The following ARIH1 variants were observed in gnomAD, a reference collection of about 807,000 sequenced individuals.
ARIH1 encodes ariadne RBR E3 ubiquitin protein ligase 1, also known as E3 ubiquitin-protein ligase ARIH1.
A neutral mutation model predicts 85.0 loss-of-function variants in ARIH1; 8 were observed. The observed-to-expected ratio is 0.09, with a 90% CI of 0.06 to 0.17. The LOEUF (loss-of-function observed/expected upper bound fraction) is 0.17, where lower values mean the gene tolerates loss of function less well. Among genes scored for constraint, ARIH1 ranks in the 10% least tolerant of loss-of-function variants. The probability of loss-of-function intolerance (pLI) is 1.00; values close to 1 mark genes in which losing one functional copy is unlikely to be tolerated. For synonymous variants in ARIH1, 238 were observed against 253.6 expected (o/e 0.94, Z 0.59); for missense variants, 311 against 718.1 (o/e 0.43, Z 6.48).
intron 4 of ARIH1, among the ~76,000 whole-genome samples, 153 bp downstream of exon 4, chr15:72,555,516 T>C (rs1367857112): frequency 6.6e-6 from 1 of 152,240 alleles, no homozygotes; most frequent in Non-Finnish European, 1.5e-5. Flanking sequence ...CCTAAAGTAA[T>C]GTGGCATTCC....
At position 72,474,471 on chromosome 15, in the gene ARIH1, C is replaced by G; in HGVS notation, c.-169C>G. 1 of 888,562 alleles carries G rather than the reference C, an allele frequency of 1.1e-6. No homozygotes were observed. The highest frequency in any genetic ancestry group is 1.6e-6 in the Non-Finnish European group (1 of 616,212). The allele number at this position is 888,562 out of a possible 1,614,324, so 55.0% of individuals were successfully genotyped here. On this transcript the variant is annotated 5_prime_UTR_variant, in exon 1 of 14. Transcript: ENST00000379887. ...CTCCTCCGCGCCCTCCCCGCCGCCACCAGCCGTCAAACGCCAACCGCCGCT... is the reference window on the plus strand; with the variant it reads ...CTCCTCCGCGCCCTCCCCGCCGCCAGCAGCCGTCAAACGCCAACCGCCGCT...
At chr15:72,487,328 C>T (rs934680035) in intron 1 of ARIH1, among the ~76,000 whole-genome samples, 3 of 152,136 alleles carry the variant, frequency 2.0e-5, no homozygotes, top group African/African-American at 7.2e-5. Context: ...ACTTATAACT[C>T]AGATATTAAC....
chr15:72,535,217 C>T (rs1220655286), intron 2 of ARIH1, among the ~76,000 whole-genome samples: 1 of 152,006 alleles, frequency 6.6e-6, no homozygotes, highest in East Asian at 1.9e-4. Flanking sequence ...TCCCAAAGTG[C>T]TGGGATTACA....
In ARIH1 at chr15:72,584,356, G is replaced by A. The variant is rs2064307303; in HGVS notation, c.*1064G>A. On this transcript the variant is annotated 3_prime_UTR_variant, in exon 14 of 14. Coordinates refer to ENST00000379887, the MANE Select transcript of ARIH1 (RefSeq NM_005744.5). Reference sequence around the variant, plus strand: ...TCTACCCAAGCCTTTGTGTGCCCATGTTATGCACACAGCTGTAGGCATTCT... The same window carrying A: ...TCTACCCAAGCCTTTGTGTGCCCATATTATGCACACAGCTGTAGGCATTCT... The A allele has an allele frequency of 6.6e-6, 1 of 152,170 alleles. No individual in the cohort carries two copies. Among genetic ancestry groups the A allele is most frequent in the African/African-American group, 2.4e-5 (1 of 41,440 alleles). The allele number at this position is 152,170 out of a possible 1,614,324, so 9.4% of individuals were successfully genotyped here.
At position 72,516,103 on chromosome 15, in the gene ARIH1, G is replaced by C. The variant is rs544683934; in HGVS notation, c.376-1964G>C. 2.0e-5 allele frequency among the ~76,000 whole-genome samples: 3 copies of C among 152,222 alleles called. No individual in the cohort carries two copies. The East Asian group carries it at 5.8e-4, about 29-fold the overall frequency. ...CCAATAACAGATTTGGGAACTTGTG[G>C]CTAGAAACAATATTTGGCACTAGCA... On this transcript the variant is annotated intron_variant, in intron 1 of 13. Coordinates refer to ENST00000379887, the MANE Select transcript of ARIH1 (RefSeq NM_005744.5).
intron 1 of ARIH1, among the ~76,000 whole-genome samples, chr15:72,512,423 A>G (rs1162922877): frequency 1.3e-5 from 2 of 152,120 alleles, no homozygotes; most frequent in East Asian, 3.9e-4. Flanking sequence ...TTAATGGGCA[A>G]AGAGTTTGTA....
At chr15:72,574,519 C>T (rs1360704838) in intron 11 of ARIH1, among the ~76,000 whole-genome samples, 3 of 152,160 alleles carry the variant, frequency 2.0e-5, no homozygotes, top group Non-Finnish European at 4.4e-5. Flanking sequence ...ACCTTGACTG[C>T]CCTGCAAAAG....
intron 5 of ARIH1, among the ~76,000 whole-genome samples, chr15:72,561,238 G>T (rs947083545): frequency 6.6e-6 from 1 of 152,072 alleles, no homozygotes. Flanking sequence ...CTGGGTAAAA[G>T]TAGACTATTT....
chr15:72,580,128 A>G (rs372934320), intron 11 of ARIH1, among the ~76,000 whole-genome samples: 2 of 151,750 alleles, frequency 1.3e-5, no homozygotes, highest in African/African-American at 4.8e-5. Context: ...CCGTCATTAT[A>G]CTCTGTATGT....
intron 1 of ARIH1, among the ~76,000 whole-genome samples, chr15:72,513,700 T>TGTCC (rs1567343652): frequency 5.5e-5 from 1 of 18,300 alleles, no homozygotes. Context: ...TCCCTCCCCC[T>TGTCC]CTCCCTCCCT....
chr15:72,480,645 A>C (rs1450906543), intron 1 of ARIH1, among the ~76,000 whole-genome samples: 1 of 151,424 alleles, frequency 6.6e-6, no homozygotes, highest in East Asian at 1.9e-4. Flanking sequence ...GCTCACTGCA[A>C]CCTCTGCCTC....
rs76209449 is a variant in ARIH1, at chr15:72,514,984, CA to C, written c.376-3076del. Among the ~76,000 whole-genome samples, 195 of 151,708 alleles carry C rather than the reference CA, an allele frequency of 1.3e-3. 2 individuals carry two copies. The highest frequency in any genetic ancestry group is 4.6e-3 in the African/African-American group (189 of 41,350). On this transcript the variant is annotated intron_variant, in intron 1 of 13. Transcript: ENST00000379887. ...CCTGAATGACAGAACAAGACTCCAT[CA>C]AAAAAACAACAAAAAAGATAATTTC...
chr15:72,515,527 T>C (rs921296675), intron 1 of ARIH1, among the ~76,000 whole-genome samples: 2 of 152,164 alleles, frequency 1.3e-5, no homozygotes, highest in Non-Finnish European at 2.9e-5. Context: ...TTGAATATTG[T>C]ATTGTGAGAT....
At position 72,474,589 on chromosome 15, in the gene ARIH1, C is replaced by T; in HGVS notation, c.-51C>T. 6.7e-7 allele frequency: 1 copy of T among 1,487,958 alleles called. No homozygotes were observed. The highest frequency in any genetic ancestry group is 8.9e-7 in the Non-Finnish European group (1 of 1,122,364). 92.2% of individuals were successfully genotyped at this position (1,487,958 alleles called of 1,614,324 possible). A position where few individuals can be genotyped will look rare whatever the true frequency, so the allele number is the denominator to read the frequency against. On this transcript the variant is annotated 5_prime_UTR_variant, in exon 1 of 14. Transcript: ENST00000379887. ...GCGAGAGCCGGGGCCTCGGCGTCCC[C>T]GCCCTCTCCCCGCCTCGGCCAGCGT... is the stretch of plus-strand genomic sequence containing the variant.
chr15:72,523,937 ATC>A lies in ARIH1; in HGVS notation c.443+5805_443+5806del, dbSNP rs1454144290. ...GAAAAATACCGTGTGCTACTTTTAC[ATC>A]TTTTTTTTTTTTTTTTTTTTTTTTT... On this transcript the variant is annotated intron_variant, in intron 2 of 13. Transcript: ENST00000379887. Among the ~76,000 whole-genome samples the A allele has an allele frequency of 4.5e-5, 6 of 134,560 alleles. No homozygotes were observed. In the East Asian group the frequency reaches 9.3e-4, roughly 21 times the overall value. 88.3% of individuals were successfully genotyped at this position (134,560 alleles called of 152,430 possible). A position where few individuals can be genotyped will look rare whatever the true frequency, so the allele number is the denominator to read the frequency against.
intron 11 of ARIH1, among the ~76,000 whole-genome samples, chr15:72,575,684 C>T (rs1437925628): frequency 6.6e-6 from 1 of 151,520 alleles, no homozygotes; most frequent in Non-Finnish European, 1.5e-5. Context: ...TCATACATGT[C>T]AATATGGTAA....
intron 11 of ARIH1, among the ~76,000 whole-genome samples, chr15:72,578,289 G>A (rs551666838): frequency 1.3e-5 from 2 of 152,264 alleles, no homozygotes; most frequent in Admixed American, 1.3e-4. Context: ...TCTTGATGAT[G>A]CCATGGTTTT....
At chr15:72,553,506 C>T (rs1445661518) in intron 3 of ARIH1, among the ~76,000 whole-genome samples, 1 of 151,952 alleles carries the variant, frequency 6.6e-6, no homozygotes, top group East Asian at 1.9e-4. Flanking sequence ...TTTATAACCC[C>T]CCAGGAGATA....
intron 5 of ARIH1, among the ~76,000 whole-genome samples, chr15:72,556,890 T>C (rs1428421223): frequency 6.6e-6 from 1 of 152,182 alleles, no homozygotes; most frequent in African/African-American, 2.4e-5. Flanking sequence ...AAGGACATGA[T>C]TGTGCTCACT....
Sources: allele counts gnomAD v4.1 joint callset (sites outside exome capture counted in the v4.1 genomes callset), GRCh38; gene constraint gnomAD v4.1.1; transcripts MANE v1.5; gene names NCBI Gene and HGNC (gene_info 2026-07-23, HGNC 2026-07-21).